The following ADAMTS18 variants were observed in gnomAD, a reference collection of about 807,000 sequenced individuals.
The protein encoded by ADAMTS18 is A disintegrin and metalloproteinase with thrombospondin motifs 18.
A neutral mutation model predicts 165.9 loss-of-function variants in ADAMTS18; 157 were observed. The observed-to-expected ratio is 0.95, with a 90% CI of 0.83 to 1.08. The LOEUF is 1.08. ADAMTS18 is among the 50% of genes least tolerant of loss of function. The pLI is 0.00. For synonymous variants in ADAMTS18, 782 were observed against 578.2 expected (o/e 1.35, Z -5.06); for missense variants, 2,040 against 1,534.0 (o/e 1.33, Z -5.51).
At chr16:77,332,069 G>A (rs1211188373) in intron 12 of ADAMTS18, among the ~76,000 whole-genome samples, 1 of 152,120 alleles carries the variant, frequency 6.6e-6, no homozygotes, top group African/African-American at 2.4e-5. Flanking sequence ...AGTTGACATA[G>A]GTACTATCGT....
intron 10 of ADAMTS18, among the ~76,000 whole-genome samples, chr16:77,347,476 C>T (rs1480171554): frequency 6.6e-6 from 1 of 152,144 alleles, no homozygotes; most frequent in East Asian, 1.9e-4. Context: ...TTGGTATTGT[C>T]AATCTTTTTA....
At chr16:77,338,891 C>T (rs1439249017) in intron 11 of ADAMTS18, among the ~76,000 whole-genome samples, 1 of 150,712 alleles carries the variant, frequency 6.6e-6, no homozygotes, top group African/African-American at 2.4e-5. Flanking sequence ...GAGATGGAGC[C>T]TGCAGTGAGC....
intron 16 of ADAMTS18, among the ~76,000 whole-genome samples, chr16:77,304,776 T>C (rs1045798069): frequency 5.9e-5 from 9 of 152,236 alleles, no homozygotes; most frequent in African/African-American, 1.9e-4. Context: ...AATTAACTCA[T>C]AAAATACATA....
intron 3 of ADAMTS18, among the ~76,000 whole-genome samples, chr16:77,417,011 G>C (rs12918432): frequency 0.13 from 20,542 of 152,210 alleles, 1,848 homozygotes; most frequent in Non-Finnish European, 0.2. Flanking sequence ...AGAGGCAGTT[G>C]CTTACATTGC....
chr16:77,292,275 C>T (rs1375133234), intron 20 of ADAMTS18, among the ~76,000 whole-genome samples: 2 of 152,170 alleles, frequency 1.3e-5, no homozygotes, highest in Non-Finnish European at 2.9e-5. Flanking sequence ...TCTAGGACAA[C>T]AGAGCAAGAC....
At chr16:77,284,654 C>G (rs1221128625) in intron 22 of ADAMTS18, among the ~76,000 whole-genome samples, 1 of 152,106 alleles carries the variant, frequency 6.6e-6, no homozygotes, top group African/African-American at 2.4e-5. Context: ...TAAAAAATGT[C>G]ACATCTAATC....
intron 3 of ADAMTS18, among the ~76,000 whole-genome samples, chr16:77,417,385 C>G (rs1359783530): frequency 6.6e-6 from 1 of 152,146 alleles, no homozygotes; most frequent in Non-Finnish European, 1.5e-5. Context: ...GCTAGAAACA[C>G]AAGCCCAAAG....
chr16:77,411,036 G>C (rs2057455842), intron 3 of ADAMTS18, among the ~76,000 whole-genome samples: 1 of 152,126 alleles, frequency 6.6e-6, no homozygotes, highest in Admixed American at 6.5e-5. Flanking sequence ...TCCCGCAAAT[G>C]CCAATGAAAC....
chr16:77,296,755 G>A (rs922086721), intron 18 of ADAMTS18, among the ~76,000 whole-genome samples: 13 of 152,128 alleles, frequency 8.5e-5, no homozygotes, highest in African/African-American at 2.9e-4. Context: ...AGTAGGCAGA[G>A]GTGGCAGTGA....
intron 13 of ADAMTS18, among the ~76,000 whole-genome samples, chr16:77,324,670 T>C (rs1044335274): frequency 4.6e-5 from 7 of 152,190 alleles, no homozygotes; most frequent in Non-Finnish European, 7.4e-5. Context: ...GAAGAATATG[T>C]TGACAGGCTG....
Position 77,283,932 on chromosome 16 carries a change from A to G in ADAMTS18, c.*24T>C, listed in dbSNP as rs369219278. ...GGTTGAAAGGTAAGCCCCTGGCCCTAAGGTGCTGGGGAGGACACCAAGATC... is the reference window on the plus strand; with the variant it reads ...GGTTGAAAGGTAAGCCCCTGGCCCTGAGGTGCTGGGGAGGACACCAAGATC... On this transcript the variant is annotated 3_prime_UTR_variant, in exon 23 of 23. Transcript: ENST00000282849. The G allele has an allele frequency of 3.2e-6, 5 of 1,566,310 alleles. No individual in the cohort carries two copies. In the African/African-American group the frequency reaches 5.4e-5, roughly 17 times the overall value.
chr16:77,365,847 G>C (rs2056785658), intron 4 of ADAMTS18, among the ~76,000 whole-genome samples: 1 of 152,188 alleles, frequency 6.6e-6, no homozygotes, highest in Admixed American at 6.5e-5. Context: ...AAAAACTCAG[G>C]TTGGCCACTT....
intron 3 of ADAMTS18, among the ~76,000 whole-genome samples, chr16:77,377,622 AG>A (rs1256588129): frequency 1.3e-5 from 2 of 152,252 alleles, no homozygotes; most frequent in Non-Finnish European, 2.9e-5. Flanking sequence ...AGTACAAAGT[AG>A]CCCCAGTAGG....
chr16:77,315,726 G>A (rs986416601), intron 16 of ADAMTS18, among the ~76,000 whole-genome samples: 2 of 152,156 alleles, frequency 1.3e-5, no homozygotes, highest in Non-Finnish European at 2.9e-5. Flanking sequence ...CCAAGAGGCA[G>A]CTTATCAAAG....
At chr16:77,356,800 T>A (rs149578653) in intron 8 of ADAMTS18, among the ~76,000 whole-genome samples, 279 of 152,228 alleles carry the variant, frequency 1.8e-3, no homozygotes, top group African/African-American at 6.7e-3. Context: ...ATGCACATTA[T>A]ACCTGAAGAA....
At position 77,314,785 on chromosome 16, in the gene ADAMTS18, T is replaced by TATATATAA. The variant is rs1430439608; in HGVS notation, c.2532+5063_2532+5064insTTATATAT. Among the ~76,000 whole-genome samples, 8 of 87,106 alleles carry TATATATAA rather than the reference T, an allele frequency of 9.2e-5. 1 individual carries two copies. In the East Asian group the frequency reaches 2.4e-3, roughly 26 times the overall value. The allele number at this position is 87,106 out of a possible 152,430, so 57.1% of individuals were successfully genotyped here. On this transcript the variant is annotated intron_variant, in intron 16 of 22. Transcript: ENST00000282849. ...ATATATATATATATATATATATATA[T>TATATATAA]AAAATATATGTGATATGCTCAGAAG...
At chr16:77,293,053 C>T (rs771905518) in intron 20 of ADAMTS18, 23 bp downstream of exon 20, 36 of 1,613,650 alleles carry the variant, frequency 2.2e-5, no homozygotes, top group Non-Finnish European at 2.9e-5. Context: ...TCTCCTGACC[C>T]AGCAGTGACT....
chr16:77,398,667 A>C (rs545043695), intron 3 of ADAMTS18, among the ~76,000 whole-genome samples: 139 of 152,236 alleles, frequency 9.1e-4, no homozygotes, highest in African/African-American at 3.0e-3. Context: ...CATTCATTAC[A>C]GGAAGTTTAG....
At chr16:77,302,467 A>C (rs2055602978) in intron 16 of ADAMTS18, among the ~76,000 whole-genome samples, 1 of 152,220 alleles carries the variant, frequency 6.6e-6, no homozygotes, top group Admixed American at 6.5e-5. Flanking sequence ...AAGGCCCACA[A>C]GGCAGAATGG....
Sources: gnomAD v4.1 joint callset for allele counts (sites outside exome capture counted in the v4.1 genomes callset) on GRCh38, gnomAD v4.1.1 for gene constraint, MANE v1.5 for transcripts, NCBI Gene and HGNC (gene_info 2026-07-23, HGNC 2026-07-21) for gene names.